Variants in PDE11A observed in about 807,000 individuals in gnomAD.
PDE11A encodes dual 3',5'-cyclic-AMP and -GMP phosphodiesterase 11A.
Under a neutral mutation model 100.5 loss-of-function variants are expected in PDE11A, and 100 were observed. The observed-to-expected ratio is 1.00, with a 90% CI of 0.85 to 1.18. The LOEUF (loss-of-function observed/expected upper bound fraction) is 1.18. PDE11A is among the 50% of genes most tolerant of loss of function. The pLI is 0.00. For missense variants in PDE11A, 1,141 were observed against 1,152.6 expected (o/e 0.99, Z 0.15); for synonymous variants, 381 against 420.8 (o/e 0.91, Z 1.16).
intron 1 of PDE11A, among the ~76,000 whole-genome samples, chr2:178,016,131 A>ATTTTTTTTTTTTTTTT (rs55638601): frequency 1.8e-4 from 15 of 83,742 alleles, no homozygotes; most frequent in East Asian, 3.8e-4. Flanking sequence ...TGCCTGGCTA[A>ATTTTTTTTTTTTTTTT]TTTTTTTTTT....
At chr2:177,689,503 A>G (rs1361632562) in intron 15 of PDE11A, among the ~76,000 whole-genome samples, 1 of 152,160 alleles carries the variant, frequency 6.6e-6, no homozygotes, top group East Asian at 1.9e-4. Context: ...GGCAAATCAT[A>G]CATCTGCAAT....
At chr2:178,057,483 G>A (rs2086912697) in intron 1 of PDE11A, among the ~76,000 whole-genome samples, 1 of 152,160 alleles carries the variant, frequency 6.6e-6, no homozygotes. Context: ...TTACATCAGA[G>A]AGTTCCCAGC....
intron 2 of PDE11A, among the ~76,000 whole-genome samples, chr2:178,098,606 T>C (rs1191917527): frequency 6.6e-6 from 1 of 152,160 alleles, no homozygotes; most frequent in Non-Finnish European, 1.5e-5. Flanking sequence ...AGAGTATAAA[T>C]ATGACTATCA....
chr2:177,905,954 G>A (rs2084779061), intron 2 of PDE11A, among the ~76,000 whole-genome samples: 1 of 152,082 alleles, frequency 6.6e-6, no homozygotes, highest in Admixed American at 6.5e-5. Context: ...TTAGGCATAG[G>A]GATTTTTACT....
intron 18 of PDE11A, among the ~76,000 whole-genome samples, chr2:177,666,657 G>A (rs1048637060): frequency 6.6e-6 from 1 of 152,058 alleles, no homozygotes; most frequent in African/African-American, 2.4e-5. Flanking sequence ...TAATGATTTT[G>A]AGCATCTTTT....
intron 5 of PDE11A, among the ~76,000 whole-genome samples, chr2:177,845,674 G>A (rs1175377567): frequency 6.6e-6 from 1 of 152,188 alleles, no homozygotes; most frequent in Non-Finnish European, 1.5e-5. Flanking sequence ...GGAGGCCAAG[G>A]CAGGCAGCTG....
intron 9 of PDE11A, among the ~76,000 whole-genome samples, chr2:177,777,178 C>T (rs2082389784): frequency 6.6e-6 from 1 of 152,050 alleles, no homozygotes; most frequent in African/African-American, 2.4e-5. Flanking sequence ...GGAACTGATA[C>T]ACACCCTGAT....
intron 9 of PDE11A, among the ~76,000 whole-genome samples, chr2:177,777,531 C>T (rs2082395183): frequency 6.6e-6 from 1 of 152,064 alleles, no homozygotes; most frequent in South Asian, 2.1e-4. Context: ...AGTACTATTG[C>T]CCTACCTTCC....
chr2:177,967,869 T>C (rs1472489830), intron 2 of PDE11A, among the ~76,000 whole-genome samples: 1 of 152,224 alleles, frequency 6.6e-6, no homozygotes, highest in African/African-American at 2.4e-5. Context: ...CCATATTAGA[T>C]GTAAATTCCA....
chr2:177,725,272 C>T (rs2081583807), intron 12 of PDE11A, among the ~76,000 whole-genome samples: 1 of 151,750 alleles, frequency 6.6e-6, no homozygotes, highest in African/African-American at 2.4e-5. Context: ...TTCTGATTAA[C>T]CAGATTGACC....
intron 2 of PDE11A, among the ~76,000 whole-genome samples, chr2:178,089,067 G>A (rs1008498125): frequency 6.6e-6 from 1 of 152,148 alleles, no homozygotes; most frequent in Non-Finnish European, 1.5e-5. Context: ...TATCAGTTAG[G>A]GTTTCAGCAG....
intron 11 of PDE11A, 44 bp downstream of exon 11, chr2:177,727,982 T>C (rs2081624887): frequency 1.9e-6 from 3 of 1,574,848 alleles, no homozygotes; most frequent in African/African-American, 1.3e-5. Context: ...GCTAACACGT[T>C]GTCCCAGGTG....
At chr2:178,104,236 C>T in intron 2 of PDE11A, 1 of 1,454,190 alleles carries the variant, frequency 6.9e-7, no homozygotes, top group Non-Finnish European at 9.6e-7. Flanking sequence ...TATTATAATG[C>T]CAAATCATAT....
chr2:177,865,280 G>A (rs539136168), intron 5 of PDE11A, among the ~76,000 whole-genome samples: 1 of 151,980 alleles, frequency 6.6e-6, no homozygotes, highest in South Asian at 2.1e-4. Flanking sequence ...TCCATCCCCT[G>A]CATCCCCCAA....
At chr2:177,820,403 T>G in intron 6 of PDE11A, 108 bp from the exon 7 acceptor site, 1 of 704,174 alleles carries the variant, frequency 1.4e-6, no homozygotes, top group Non-Finnish European at 2.6e-6. Context: ...TTTTTAAAGC[T>G]ATTTTATACA....
At chr2:177,855,603 C>T (rs2083818374) in intron 5 of PDE11A, among the ~76,000 whole-genome samples, 1 of 152,124 alleles carries the variant, frequency 6.6e-6, no homozygotes, top group Admixed American at 6.6e-5. Context: ...AAAGCTCTAT[C>T]CCCAGAGAAT....
At chr2:177,828,816 C>T (rs145518042) in intron 6 of PDE11A, among the ~76,000 whole-genome samples, 52 of 151,870 alleles carry the variant, frequency 3.4e-4, no homozygotes, top group African/African-American at 1.2e-3. Context: ...GAAAGAATTG[C>T]AAATTTGGCT....
At chr2:177,966,711 G>A (rs1438327909) in intron 2 of PDE11A, among the ~76,000 whole-genome samples, 2 of 152,034 alleles carry the variant, frequency 1.3e-5, no homozygotes, top group Non-Finnish European at 1.5e-5. Context: ...AGCCTACTTG[G>A]TCATAGTGGA....
At chr2:177,823,416 C>T (rs889356903) in intron 6 of PDE11A, among the ~76,000 whole-genome samples, 3 of 152,194 alleles carry the variant, frequency 2.0e-5, no homozygotes, top group Non-Finnish European at 4.4e-5. Context: ...TCAAAGACAA[C>T]AGTGATGATG....
Sources: gnomAD v4.1 joint callset for allele counts (sites outside exome capture counted in the v4.1 genomes callset) on GRCh38, gnomAD v4.1.1 for gene constraint, MANE v1.5 for transcripts, NCBI Gene and HGNC (gene_info 2026-07-23, HGNC 2026-07-21) for gene names.